Variants in DMD observed in about 807,000 individuals in gnomAD.
DMD encodes mutant dystrophin.
A neutral mutation model predicts 330.1 loss-of-function variants in DMD; 63 were observed. The ratio of observed to expected loss-of-function variants is 0.19; its 90% confidence interval spans 0.16 to 0.24. The LOEUF is 0.24. Among genes scored for constraint, DMD ranks in the 10% least tolerant of loss-of-function variants. DMD has a pLI of 1.00. For synonymous variants in DMD, 1,223 were observed against 959.8 expected (o/e 1.27, Z -5.07); for missense variants, 3,344 against 2,684.1 (o/e 1.25, Z -5.43).
chrX:32,514,568 C>T (rs1356277946), intron 18 of DMD, among the ~76,000 whole-genome samples: 2 of 111,436 alleles, frequency 1.8e-5, no homozygotes, highest in Non-Finnish European at 3.8e-5. Flanking sequence ...GGTGAAACCC[C>T]GTCTCTACTA....
At chrX:32,276,922 G>GAAAGA (rs2097391551) in intron 43 of DMD, among the ~76,000 whole-genome samples, 1 of 105,995 alleles carries the variant, frequency 9.4e-6, no homozygotes, top group South Asian at 4.1e-4. Flanking sequence ...GCTGTCTCAA[G>GAAAGA]AAAGAAAAGA....
chrX:31,809,939 G>A (rs890851339), intron 50 of DMD, among the ~76,000 whole-genome samples: 1 of 111,192 alleles, frequency 9.0e-6, no homozygotes, highest in Middle Eastern at 4.6e-3. Context: ...GTGGGGTTGG[G>A]TCCAGATTCT....
At chrX:31,544,398 A>G (rs1376869040) in intron 55 of DMD, among the ~76,000 whole-genome samples, 1 of 110,490 alleles carries the variant, frequency 9.1e-6, no homozygotes, top group African/African-American at 3.3e-5. Flanking sequence ...ATTTGAGAAG[A>G]CAGCAGAAGC....
In DMD at chrX:32,849,722, A is replaced by G. The variant is rs745970142; in HGVS notation, c.186+6T>C. On this transcript the variant is annotated splice_donor_region_variant and intron_variant, in intron 3 of 78. Transcript: ENST00000357033. ...AAGTTAACTTTCTTAAAAATAAGTCACATACCAGTTTTTGCCCTGTCAGGC... is the reference window on the plus strand; with the variant it reads ...AAGTTAACTTTCTTAAAAATAAGTCGCATACCAGTTTTTGCCCTGTCAGGC... The G allele has an allele frequency of 6.8e-6, 8 of 1,179,647 alleles. No individual in the cohort carries two copies. Among genetic ancestry groups the G allele is most frequent in the Non-Finnish European group, 8.1e-6 (7 of 866,627 alleles).
intron 44 of DMD, among the ~76,000 whole-genome samples, chrX:32,207,477 A>G (rs1336907866): frequency 8.9e-6 from 1 of 111,994 alleles, no homozygotes; most frequent in Non-Finnish European, 1.9e-5. Context: ...TTGTTACAGC[A>G]GCACAAAACG....
chrX:31,749,320 A>T (rs1419488121), intron 51 of DMD, among the ~76,000 whole-genome samples: 2 of 77,198 alleles, frequency 2.6e-5, no homozygotes, highest in Non-Finnish European at 4.7e-5. Context: ...CAGTCCCCAG[A>T]GTGTGATGTT....
At chrX:31,632,765 AAC>A (rs2079200994) in intron 54 of DMD, among the ~76,000 whole-genome samples, 1 of 112,130 alleles carries the variant, frequency 8.9e-6, no homozygotes, top group Non-Finnish European at 1.9e-5. Flanking sequence ...CTGTAACCAT[AAC>A]AGTTCCTACT....
At chrX:32,890,705 A>G (rs766236707) in intron 2 of DMD, among the ~76,000 whole-genome samples, 25 of 111,993 alleles carry the variant, frequency 2.2e-4, no homozygotes, top group South Asian at 7.5e-4. Flanking sequence ...ACGTTTTATC[A>G]TGATCTGGGG....
chrX:32,359,097 T>C (rs1306301048), intron 37 of DMD, among the ~76,000 whole-genome samples: 1 of 111,236 alleles, frequency 9.0e-6, no homozygotes, highest in African/African-American at 3.3e-5. Context: ...GTTAAGGACT[T>C]TTTGCTCTCA....
chrX:33,296,467 A>G (rs2053585581), intron 1 of DMD, among the ~76,000 whole-genome samples: 1 of 111,041 alleles, frequency 9.0e-6, no homozygotes, highest in Non-Finnish European at 1.9e-5. Context: ...GAAAAAAGAA[A>G]AAAATAAGAG....
intron 9 of DMD, among the ~76,000 whole-genome samples, chrX:32,651,049 C>A (rs954061513): frequency 9.0e-6 from 1 of 111,655 alleles, no homozygotes; most frequent in African/African-American, 3.3e-5. Context: ...TTCCAAAACA[C>A]GTCTTTATCC....
At chrX:31,243,553 A>C (rs1032135060) in intron 63 of DMD, among the ~76,000 whole-genome samples, 1 of 112,646 alleles carries the variant, frequency 8.9e-6, no homozygotes, top group Non-Finnish European at 1.9e-5. Flanking sequence ...AAAGAAGAAA[A>C]ACACCCAGCA....
chrX:33,005,297 C>CGCAT (rs1557201283), intron 2 of DMD, among the ~76,000 whole-genome samples: 1 of 104,071 alleles, frequency 9.6e-6, no homozygotes, highest in Non-Finnish European at 2.0e-5. Flanking sequence ...CACACACACG[C>CGCAT]ATATATATAT....
intron 18 of DMD, among the ~76,000 whole-genome samples, chrX:32,516,159 C>A (rs919703594): frequency 3.6e-5 from 4 of 110,991 alleles, no homozygotes; most frequent in Admixed American, 2.9e-4. Context: ...TTTAAAATAA[C>A]CTATATAAAC....
chrX:32,233,910 A>G (rs1421542266), intron 43 of DMD, among the ~76,000 whole-genome samples: 1 of 111,064 alleles, frequency 9.0e-6, no homozygotes, highest in Non-Finnish European at 1.9e-5. Context: ...GATTACAGGC[A>G]TGAGTCACCA....
intron 4 of DMD, among the ~76,000 whole-genome samples, chrX:32,828,311 A>G (rs1223850121): frequency 1.8e-5 from 2 of 111,332 alleles, no homozygotes; most frequent in Admixed American, 1.9e-4. Context: ...ACTGCTTTCC[A>G]CAATGGCAGA....
At chrX:32,355,201 C>T (rs1189160727) in intron 37 of DMD, among the ~76,000 whole-genome samples, 1 of 110,904 alleles carries the variant, frequency 9.0e-6, no homozygotes, top group Non-Finnish European at 1.9e-5. Context: ...TTTATACTAA[C>T]ACATAGTAGA....
chrX:32,722,347 T>TA (rs2066415602), intron 7 of DMD, among the ~76,000 whole-genome samples: 1 of 111,151 alleles, frequency 9.0e-6, no homozygotes, highest in African/African-American at 3.3e-5. Context: ...CAACTATTTC[T>TA]ATAGCATTTA....
At chrX:31,427,589 T>C (rs1398371576) in intron 60 of DMD, among the ~76,000 whole-genome samples, 1 of 112,156 alleles carries the variant, frequency 8.9e-6, no homozygotes, top group African/African-American at 3.2e-5. Context: ...CTTAATTTTA[T>C]TACTTGTTTT....
Sources: gnomAD v4.1 joint callset for allele counts (sites outside exome capture counted in the v4.1 genomes callset) on GRCh38, gnomAD v4.1.1 for gene constraint, MANE v1.5 for transcripts, NCBI Gene and HGNC (gene_info 2026-07-23, HGNC 2026-07-21) for gene names.